MAP3K5: variants seen among roughly 807,000 people sequenced by gnomAD.
MAP3K5 encodes the protein ASK-1.
A neutral mutation model predicts 158.7 loss-of-function variants in MAP3K5; 56 were observed. That is an observed-to-expected ratio of 0.35 (90% CI 0.28 to 0.44). MAP3K5 has a LOEUF of 0.44. MAP3K5 is among the 20% of genes least tolerant of loss of function. The pLI is 1.00. For synonymous variants in MAP3K5, 579 were observed against 601.7 expected (o/e 0.96, Z 0.55); for missense variants, 1,294 against 1,674.8 (o/e 0.77, Z 3.97).
chr6:136,591,583 T>C (rs1164357282), intron 23 of MAP3K5, among the ~76,000 whole-genome samples: 1 of 152,266 alleles, frequency 6.6e-6, no homozygotes. Flanking sequence ...ACTTAACTCT[T>C]GTTTATGTCA....
intron 1 of MAP3K5, among the ~76,000 whole-genome samples, chr6:136,721,031 G>A (rs572207396): frequency 1.2e-4 from 18 of 151,996 alleles, no homozygotes; most frequent in Admixed American, 9.2e-4. Flanking sequence ...CTCCTGCCTC[G>A]GCTTTCCAAA....
At chr6:136,561,019 A>T (rs1353161277) in intron 28 of MAP3K5, among the ~76,000 whole-genome samples, 1 of 151,312 alleles carries the variant, frequency 6.6e-6, no homozygotes, top group African/African-American at 2.4e-5. Context: ...AGAATTAGAA[A>T]CAAGAAATTT....
intron 19 of MAP3K5, among the ~76,000 whole-genome samples, chr6:136,602,945 T>G (rs1295600664): frequency 6.6e-6 from 1 of 152,234 alleles, no homozygotes; most frequent in Non-Finnish European, 1.5e-5. Context: ...TAGAATTTAC[T>G]TATTACTGCT....
At chr6:136,677,427 G>A (rs969205105) in intron 7 of MAP3K5, among the ~76,000 whole-genome samples, 6 of 152,170 alleles carry the variant, frequency 3.9e-5, no homozygotes, top group African/African-American at 7.2e-5. Flanking sequence ...GTGGGCCACC[G>A]TACCTGGCAA....
At chr6:136,784,550 T>C (rs918818985) in intron 1 of MAP3K5, among the ~76,000 whole-genome samples, 7 of 152,088 alleles carry the variant, frequency 4.6e-5, no homozygotes, top group Non-Finnish European at 1.0e-4. Flanking sequence ...CTTCCCTAAC[T>C]AGAGTTTTCC....
Position 136,694,301 on chromosome 6 carries a change from G to A in MAP3K5, c.1092C>T (p.Leu364=). ...CAAGAGCTTTTGCTCTGTCACCAGGGAGATTTCTCCTAAGGCAGAAAACAT... is the reference window on the plus strand; with the variant it reads ...CAAGAGCTTTTGCTCTGTCACCAGGAAGATTTCTCCTAAGGCAGAAAACAT... The part of the protein sequence containing the change: ...HYAFALNRRN[L]PGDRAKALDI... The change falls in exon 7 of 30, where the codon CTC becomes CTT. Residue 364 remains leucine (L), a synonymous_variant. Coordinates refer to ENST00000359015, the MANE Select transcript of MAP3K5 (RefSeq NM_005923.4). 1 of 1,610,130 alleles carries A rather than the reference G, an allele frequency of 6.2e-7. No homozygotes were observed. Among genetic ancestry groups the A allele is most frequent in the Non-Finnish European group, 8.5e-7 (1 of 1,179,526 alleles).
At chr6:136,712,863 TATCTTGTCTGCTGCC>T (rs1781368949) in intron 2 of MAP3K5, among the ~76,000 whole-genome samples, 1 of 152,242 alleles carries the variant, frequency 6.6e-6, no homozygotes, top group African/African-American at 2.4e-5. Flanking sequence ...TGGCTCATTC[TATCTTGTCTGCTGCC>T]ATGTAAGATG....
intron 1 of MAP3K5, among the ~76,000 whole-genome samples, chr6:136,736,105 G>A (rs984506168): frequency 6.6e-6 from 1 of 152,074 alleles, no homozygotes; most frequent in Non-Finnish European, 1.5e-5. Flanking sequence ...TGGTAAGCAA[G>A]CTAGTTTGGA....
At chr6:136,646,401 T>C (rs1312248029) in intron 11 of MAP3K5, among the ~76,000 whole-genome samples, 1 of 152,216 alleles carries the variant, frequency 6.6e-6, no homozygotes, top group Non-Finnish European at 1.5e-5. Flanking sequence ...CATAAGAGAA[T>C]GAAAACGAGG....
At chr6:136,743,177 G>A (rs893350023) in intron 1 of MAP3K5, among the ~76,000 whole-genome samples, 3 of 151,544 alleles carry the variant, frequency 2.0e-5, no homozygotes, top group South Asian at 4.1e-4. Flanking sequence ...ACGGCTGGGC[G>A]CAGTGGCTCA....
Position 136,737,035 on chromosome 6 carries a change from G to GCATATATATATATATATATATATATA in MAP3K5, c.449-16447_449-16446insTATATATATATATATATATATATATG, listed in dbSNP as rs1554308004. Among the ~76,000 whole-genome samples the GCATATATATATATATATATATATATA allele has an allele frequency of 4.2e-5, 5 of 118,712 alleles. No homozygotes were observed. In the South Asian group the frequency reaches 6.9e-4, roughly 16 times the overall value. 77.9% of individuals were successfully genotyped at this position (118,712 alleles called of 152,430 possible). A position where few individuals can be genotyped will look rare whatever the true frequency, so the allele number is the denominator to read the frequency against. ...ATTAATTTTACATATATATATGTGT[G>GCATATATATATATATATATATATATA]TGTATATATATATATATATATAAAC... is the stretch of plus-strand genomic sequence containing the variant. On this transcript the variant is annotated intron_variant, in intron 1 of 29. Transcript: ENST00000359015.
chr6:136,751,399 T>C (rs941495970), intron 1 of MAP3K5, among the ~76,000 whole-genome samples: 2 of 152,232 alleles, frequency 1.3e-5, no homozygotes, highest in Non-Finnish European at 2.9e-5. Flanking sequence ...ACTGATAGAC[T>C]GTTAAATATA....
intron 14 of MAP3K5, among the ~76,000 whole-genome samples, chr6:136,633,207 T>C (rs1370017327): frequency 6.6e-6 from 1 of 152,028 alleles, no homozygotes; most frequent in East Asian, 1.9e-4. Context: ...AAGACCAGCC[T>C]GGCCAACATG....
intron 1 of MAP3K5, among the ~76,000 whole-genome samples, chr6:136,775,900 A>G (rs1562696897): frequency 1.3e-5 from 2 of 152,218 alleles, no homozygotes; most frequent in African/African-American, 4.8e-5. Context: ...TTCAAATTAG[A>G]AGTTAACTTG....
intron 8 of MAP3K5, among the ~76,000 whole-genome samples, chr6:136,661,756 A>G (rs901217522): frequency 6.6e-6 from 1 of 152,056 alleles, no homozygotes; most frequent in Non-Finnish European, 1.5e-5. Flanking sequence ...GGCCAGGCTC[A>G]TCTCGAACTC....
chr6:136,670,725 C>T (rs557178583), intron 7 of MAP3K5, among the ~76,000 whole-genome samples: 1 of 152,020 alleles, frequency 6.6e-6, no homozygotes, highest in Admixed American at 6.5e-5. Flanking sequence ...TATTGAGGAC[C>T]ATGTCTCTTT....
chr6:136,608,121 C>G (rs1156311467), intron 18 of MAP3K5, among the ~76,000 whole-genome samples: 2 of 152,026 alleles, frequency 1.3e-5, no homozygotes, highest in Non-Finnish European at 2.9e-5. Flanking sequence ...TGCCTGCTGT[C>G]ATGGAGGAAA....
chr6:136,578,100 T>G (rs73777934), intron 25 of MAP3K5, among the ~76,000 whole-genome samples: 3,366 of 152,276 alleles, frequency 0.022, 125 homozygotes, highest in African/African-American at 0.076. Context: ...TATACACTAT[T>G]CCCCCTTCAT....
intron 1 of MAP3K5, among the ~76,000 whole-genome samples, chr6:136,790,958 C>T (rs1194677437): frequency 1.3e-5 from 2 of 152,040 alleles, no homozygotes; most frequent in African/African-American, 4.8e-5. Context: ...ACTTTAATGG[C>T]GAAACTAATC....
Sources: allele counts gnomAD v4.1 joint callset (sites outside exome capture counted in the v4.1 genomes callset), GRCh38; gene constraint gnomAD v4.1.1; transcripts MANE v1.5; gene names NCBI Gene and HGNC (gene_info 2026-07-23, HGNC 2026-07-21).